The following PTPRD variants were observed in gnomAD, a reference collection of about 807,000 sequenced individuals.
The protein encoded by PTPRD is protein tyrosine phosphatase receptor type D.
Under a neutral mutation model 214.5 loss-of-function variants are expected in PTPRD, and 34 were observed. That is an observed-to-expected ratio of 0.16 (90% confidence interval 0.12 to 0.21). The LOEUF (loss-of-function observed/expected upper bound fraction) is 0.21, where lower values mean the gene tolerates loss of function less well. Ranked by LOEUF, PTPRD falls within the 10% of genes least tolerant of loss-of-function variation. The pLI is 1.00. For missense variants in PTPRD, 2,545 were observed against 2,398.7 expected (o/e 1.06, Z -1.27); for synonymous variants, 1,128 against 845.7 (o/e 1.33, Z -5.79).
intron 12 of PTPRD, among the ~76,000 whole-genome samples, chr9:8,640,317 A>C (rs115351234): frequency 0.069 from 10,521 of 152,142 alleles, 1,111 homozygotes; most frequent in African/African-American, 0.23. Flanking sequence ...CCACTGCACT[A>C]CAACCTGGGT....
At chr9:9,904,660 C>CA (rs2077140199) in intron 5 of PTPRD, among the ~76,000 whole-genome samples, 1 of 151,682 alleles carries the variant, frequency 6.6e-6, no homozygotes, top group Non-Finnish European at 1.5e-5. Flanking sequence ...AAAAATGCTC[C>CA]AAAAAAGGTG....
At chr9:8,322,504 C>G (rs1273257663) in intron 44 of PTPRD, among the ~76,000 whole-genome samples, 2 of 152,156 alleles carry the variant, frequency 1.3e-5, no homozygotes, top group Non-Finnish European at 2.9e-5. Flanking sequence ...TCCCTTAAAT[C>G]AAAGCCTAGG....
At chr9:10,327,489 T>A (rs1278786352) in intron 3 of PTPRD, among the ~76,000 whole-genome samples, 10 of 151,554 alleles carry the variant, frequency 6.6e-5, no homozygotes, top group African/African-American at 9.7e-5. Flanking sequence ...CAGAAAGATT[T>A]AATAAAAATA....
At chr9:8,581,934 A>G (rs2093177954) in intron 14 of PTPRD, among the ~76,000 whole-genome samples, 1 of 149,198 alleles carries the variant, frequency 6.7e-6, no homozygotes, top group Non-Finnish European at 1.5e-5. Flanking sequence ...AAAAAAAAAA[A>G]AAAAAAAAGA....
At chr9:9,710,583 A>G (rs1020476051) in intron 7 of PTPRD, among the ~76,000 whole-genome samples, 2 of 151,944 alleles carry the variant, frequency 1.3e-5, no homozygotes, top group African/African-American at 4.8e-5. Context: ...CTCCATGCAA[A>G]GATTTAATAT....
intron 5 of PTPRD, among the ~76,000 whole-genome samples, chr9:9,879,460 T>C: frequency 6.6e-6 from 1 of 152,216 alleles, no homozygotes; most frequent in African/African-American, 2.4e-5. Context: ...CAAAATAGCT[T>C]GTATCATAGA....
chr9:9,799,943 C>T (rs1160584884), intron 5 of PTPRD, among the ~76,000 whole-genome samples: 2 of 152,054 alleles, frequency 1.3e-5, no homozygotes, highest in African/African-American at 4.8e-5. Flanking sequence ...ATTAAACCTG[C>T]TTCAAAGTAC....
intron 8 of PTPRD, among the ~76,000 whole-genome samples, chr9:9,496,335 G>C (rs2096185607): frequency 6.6e-6 from 1 of 152,086 alleles, no homozygotes; most frequent in Non-Finnish European, 1.5e-5. Context: ...TATTTGATAA[G>C]AGAAAATCAG....
chr9:10,396,680 G>A (rs1196634425), intron 2 of PTPRD, among the ~76,000 whole-genome samples: 1 of 151,968 alleles, frequency 6.6e-6, no homozygotes, highest in Non-Finnish European at 1.5e-5. Context: ...TGAGATTTGG[G>A]AAATAACTGC....
chr9:10,194,339 TATATATAGAGAGAGAGAGAGAGAGAG>T (rs1174834672), intron 3 of PTPRD, among the ~76,000 whole-genome samples: 2,731 of 67,744 alleles, frequency 0.04, 26 homozygotes, highest in Admixed American at 0.061. Flanking sequence ...TATATATATA[TATATATAGAGAGAGAGAGAGAGAGAG>T]AGAGAGAGAG....
intron 7 of PTPRD, among the ~76,000 whole-genome samples, chr9:9,693,913 C>T (rs2097322540): frequency 6.6e-6 from 1 of 152,164 alleles, no homozygotes; most frequent in South Asian, 2.1e-4. Context: ...ATGTCAATTG[C>T]ATATTTTCAC....
At position 8,557,767 on chromosome 9, in the gene PTPRD, A is replaced by C. The variant is rs546945319; in HGVS notation, c.353-28988T>G. ...CAATAAAAAAAAAAAAAAAAAAAAA[A>C]GAAAAACAAAATACACACACACACA... On this transcript the variant is annotated intron_variant, in intron 14 of 45. Transcript: ENST00000381196. Among the ~76,000 whole-genome samples the C allele has an allele frequency of 1.2e-4, 17 of 138,180 alleles. 1 individual carries two copies. The highest frequency in any genetic ancestry group is 4.3e-4 in the African/African-American group (15 of 35,012). 90.7% of individuals were successfully genotyped at this position (138,180 alleles called of 152,430 possible). A position where few individuals can be genotyped will look rare whatever the true frequency, so the allele number is the denominator to read the frequency against.
chr9:9,516,641 G>A (rs1037035317), intron 8 of PTPRD, among the ~76,000 whole-genome samples: 13 of 151,952 alleles, frequency 8.6e-5, no homozygotes, highest in South Asian at 2.1e-4. Context: ...GGGTGCAAGC[G>A]ATTTTCCTGC....
chr9:9,205,137 T>TA (rs979776956), intron 9 of PTPRD, among the ~76,000 whole-genome samples: 5 of 152,198 alleles, frequency 3.3e-5, no homozygotes, highest in South Asian at 4.1e-4. Flanking sequence ...ATCACTTATT[T>TA]AAAAAAAATC....
intron 12 of PTPRD, among the ~76,000 whole-genome samples, chr9:8,699,045 T>C (rs2098006190): frequency 6.6e-6 from 1 of 152,188 alleles, no homozygotes; most frequent in Non-Finnish European, 1.5e-5. Flanking sequence ...GATGGATTTC[T>C]CATACCCTAC....
At chr9:9,786,803 T>C (rs1433791686) in intron 5 of PTPRD, among the ~76,000 whole-genome samples, 1 of 152,174 alleles carries the variant, frequency 6.6e-6, no homozygotes, top group Non-Finnish European at 1.5e-5. Context: ...TAAGTTGCAC[T>C]CTAGAGATTC....
chr9:9,767,546 T>TA (rs1360700404), intron 5 of PTPRD, among the ~76,000 whole-genome samples: 8 of 152,060 alleles, frequency 5.3e-5, no homozygotes, highest in African/African-American at 1.9e-4. Context: ...CTCATCTACC[T>TA]AAAGGCACAG....
intron 7 of PTPRD, among the ~76,000 whole-genome samples, chr9:9,616,397 T>A (rs1163075549): frequency 6.6e-6 from 1 of 152,130 alleles, no homozygotes; most frequent in Non-Finnish European, 1.5e-5. Context: ...GTGAATCTTA[T>A]CGCAACAAAA....
chr9:9,463,090 G>A (rs1404459104), intron 8 of PTPRD, among the ~76,000 whole-genome samples: 1 of 150,964 alleles, frequency 6.6e-6, no homozygotes, highest in South Asian at 2.1e-4. Context: ...AGACTAAATA[G>A]GAACAAAAGC....
Sources: allele counts gnomAD v4.1 joint callset (sites outside exome capture counted in the v4.1 genomes callset), GRCh38; gene constraint gnomAD v4.1.1; transcripts MANE v1.5; gene names NCBI Gene and HGNC (gene_info 2026-07-23, HGNC 2026-07-21).